EPS15L1: variants seen among roughly 807,000 people sequenced by gnomAD.
EPS15L1 encodes the protein epidermal growth factor receptor pathway substrate 15 like 1.
A neutral mutation model predicts 117.1 loss-of-function variants in EPS15L1; 43 were observed. That is an observed-to-expected ratio of 0.37 (90% CI 0.29 to 0.47). The LOEUF is 0.47. Ranked by LOEUF, EPS15L1 falls within the 20% of genes least tolerant of loss-of-function variation. The pLI, the probability that EPS15L1 is intolerant of heterozygous loss-of-function variation, is 0.99. For synonymous variants in EPS15L1, 459 were observed against 470.5 expected, an observed-to-expected ratio of 0.98 and a Z score of 0.32; for missense variants, 981 against 1,164.0, an observed-to-expected ratio of 0.84 and a Z score of 2.29.
At chr19:16,457,431 GGA>G (rs2093208289) in intron 1 of EPS15L1, among the ~76,000 whole-genome samples, 2 of 152,158 alleles carry the variant, frequency 1.3e-5, no homozygotes, top group African/African-American at 4.8e-5. Context: ...GCCTGTCCAG[GGA>G]GACTCAGTCA....
intron 1 of EPS15L1, among the ~76,000 whole-genome samples, chr19:16,460,790 C>T (rs1485114912): frequency 6.6e-6 from 1 of 152,158 alleles, no homozygotes; most frequent in Admixed American, 6.5e-5. Context: ...GTGTCTGGGA[C>T]CCCCCAACCA....
intron 7 of EPS15L1, 100 bp from the exon 8 acceptor site, chr19:16,428,861 G>T: frequency 1.1e-6 from 1 of 887,680 alleles, no homozygotes; most frequent in Non-Finnish European, 1.8e-6. Flanking sequence ...GCACTCACTG[G>T]GCTCAGGAGA....
chr19:16,458,446 G>GC (rs1217468642), intron 1 of EPS15L1, among the ~76,000 whole-genome samples: 16 of 152,036 alleles, frequency 1.1e-4, no homozygotes, highest in Non-Finnish European at 1.9e-4. Flanking sequence ...TGGGAGGGCC[G>GC]CCCCGCCCCC....
chr19:16,385,332 T>A, intron 20 of EPS15L1, 121 bp from the exon 21 acceptor site: 1 of 807,446 alleles, frequency 1.2e-6, no homozygotes, highest in East Asian at 2.5e-5. Flanking sequence ...CATTTATTCA[T>A]TAGACACGTG....
At chr19:16,363,201 C>T (rs1028082660) in intron 22 of EPS15L1, among the ~76,000 whole-genome samples, 1 of 152,188 alleles carries the variant, frequency 6.6e-6, no homozygotes, top group African/African-American at 2.4e-5. Flanking sequence ...AGTCCCTGGG[C>T]ATTCAACGTG....
At position 16,355,829 on chromosome 19, in the gene EPS15L1, A is replaced by G; in HGVS notation, c.2609T>C (p.Leu870Pro). 1 of 1,536,002 alleles carries G rather than the reference A, an allele frequency of 6.5e-7. No individual in the cohort carries two copies. The highest frequency in any genetic ancestry group is 8.7e-7 in the Non-Finnish European group (1 of 1,146,742). ...CTCGCTCTCCCGCTTGGCCCACGCC[A>G]GCTGCTGCTCCTCATTGCCAAACTG... The part of the protein sequence containing the change: ...FTSFGNEEQQ[L>P]AWAKRESEKA... Residue 870 changes from leucine (L) to proline (P), a missense_variant, in exon 24 of 24, where the codon CTG (leucine) becomes CCG (proline). By Grantham distance (98) the Leu-to-Pro change is moderately conservative. Transcript: ENST00000455140.
chr19:16,400,655 C>A (rs2092591324), intron 16 of EPS15L1: 25 of 985,236 alleles, frequency 2.5e-5, no homozygotes, highest in Non-Finnish European at 3.0e-5. Flanking sequence ...TGTATTTGTA[C>A]AACAGGATAA....
chr19:16,453,860 A>G (rs1333891891), intron 1 of EPS15L1, among the ~76,000 whole-genome samples: 1 of 150,668 alleles, frequency 6.6e-6, no homozygotes, highest in Non-Finnish European at 1.5e-5. Context: ...AAAAGCTGAA[A>G]TCCAAGAAAG....
At chr19:16,372,537 G>A (rs747801498) in intron 22 of EPS15L1, among the ~76,000 whole-genome samples, 3 of 152,154 alleles carry the variant, frequency 2.0e-5, no homozygotes, top group Non-Finnish European at 2.9e-5. Flanking sequence ...TTTTTTTAAC[G>A]GAAAAGATTT....
intron 17 of EPS15L1, 61 bp from the exon 18 acceptor site, chr19:16,394,062 T>C: frequency 6.7e-7 from 1 of 1,496,548 alleles, no homozygotes. Flanking sequence ...GGCCGGGCCC[T>C]TGGACACAGC....
At chr19:16,392,483 A>G (rs1221176418) in intron 18 of EPS15L1, 43 bp from the exon 19 acceptor site, 3 of 1,571,366 alleles carry the variant, frequency 1.9e-6, no homozygotes, top group African/African-American at 2.7e-5. Flanking sequence ...ATACCAAGTG[A>G]AAGAACCCAG....
At chr19:16,449,137 C>T (rs1483837141) in intron 1 of EPS15L1, among the ~76,000 whole-genome samples, 2 of 150,254 alleles carry the variant, frequency 1.3e-5, no homozygotes, top group African/African-American at 4.9e-5. Flanking sequence ...AGCCAGGCGT[C>T]GTGGTGCACA....
At chr19:16,362,513 T>C (rs1275790157) in intron 22 of EPS15L1, among the ~76,000 whole-genome samples, 2 of 103,386 alleles carry the variant, frequency 1.9e-5, no homozygotes, top group Non-Finnish European at 2.1e-5. Flanking sequence ...TTTAAGTTCT[T>C]TTTTTTTTTT....
chr19:16,425,283 C>T lies in EPS15L1; in HGVS notation c.592G>A (p.Glu198Lys), dbSNP rs754183597. The change falls in exon 9 of 24, where the codon GAG (glutamate) becomes AAG (lysine). Residue 198 changes from glutamate (E) to lysine (K), a missense_variant. Physicochemically the swap from Glu to Lys is moderately conservative, Grantham distance 56 (BLOSUM62 1). This residue lies in a region of EPS15L1 where 819 missense variants were observed against 949.0 expected (regional missense o/e 0.86). Transcript: ENST00000455140. ...MHLVYRALEK[E>K]PVPSALPPSL... ...GGGGGCAGGGCGGAGGGCACGGGCTCCTTCTCCAGGGCTCGGTACACCAAG... is the reference window on the plus strand; with the variant it reads ...GGGGGCAGGGCGGAGGGCACGGGCTTCTTCTCCAGGGCTCGGTACACCAAG... 7 of 1,606,596 alleles carry T rather than the reference C, an allele frequency of 4.4e-6. No individual in the cohort carries two copies. Among genetic ancestry groups the T allele is most frequent in the Non-Finnish European group, 6.0e-6 (7 of 1,176,362 alleles).
chr19:16,442,803 C>T (rs2093045687), intron 1 of EPS15L1, among the ~76,000 whole-genome samples: 1 of 152,202 alleles, frequency 6.6e-6, no homozygotes, highest in Non-Finnish European at 1.5e-5. Flanking sequence ...GCAGTGTCCT[C>T]AGCTTGGCAC....
At chr19:16,385,319 C>T in intron 20 of EPS15L1, 108 bp from the exon 21 acceptor site, 4 of 912,208 alleles carry the variant, frequency 4.4e-6, no homozygotes, top group Non-Finnish European at 7.1e-6. Context: ...CTCAGGAAGG[C>T]TGCATTTATT....
intron 7 of EPS15L1, 137 bp downstream of exon 7, chr19:16,434,228 G>C (rs2092957264): frequency 8.5e-7 from 1 of 1,177,878 alleles, no homozygotes; most frequent in African/African-American, 1.5e-5. Context: ...ACCCACAGGA[G>C]CGCTGATGAA....
chr19:16,457,148 A>G (rs2093205499), intron 1 of EPS15L1, among the ~76,000 whole-genome samples: 1 of 152,162 alleles, frequency 6.6e-6, no homozygotes, highest in African/African-American at 2.4e-5. Context: ...GAGAAGGAGG[A>G]CATGCCAGTT....
intron 10 of EPS15L1, among the ~76,000 whole-genome samples, chr19:16,418,956 A>G (rs2092787877): frequency 6.6e-6 from 1 of 152,244 alleles, no homozygotes; most frequent in Admixed American, 6.5e-5. Context: ...TTGTCACAGC[A>G]GCCCAATGGT....
Sources: allele counts gnomAD v4.1 joint callset (sites outside exome capture counted in the v4.1 genomes callset), GRCh38; gene constraint gnomAD v4.1.1; regional missense constraint gnomAD v4.1.1; transcripts MANE v1.5; gene names NCBI Gene and HGNC (gene_info 2026-07-23, HGNC 2026-07-21).